Variants in CHN1 observed in about 807,000 individuals in gnomAD.
The protein encoded by CHN1 is chimerin 1.
In CHN1, 37 loss-of-function variants were observed where a neutral mutation model predicts 59.5. That is an observed-to-expected ratio of 0.62 (90% CI 0.48 to 0.82). The LOEUF (loss-of-function observed/expected upper bound fraction) is 0.82. CHN1 is among the 40% of genes least tolerant of loss of function. The pLI is 0.00. For missense variants in CHN1, 469 were observed against 571.0 expected, an observed-to-expected ratio of 0.82 and a Z score of 1.82; for synonymous variants, 206 against 200.4, an observed-to-expected ratio of 1.03 and a Z score of -0.24.
At chr2:174,960,131 T>C (rs1211776154) in intron 1 of CHN1, among the ~76,000 whole-genome samples, 2 of 152,120 alleles carry the variant, frequency 1.3e-5, no homozygotes, top group South Asian at 2.1e-4. Context: ...TGCTGATTAA[T>C]AGAAAAAAAC....
intron 1 of CHN1, among the ~76,000 whole-genome samples, chr2:174,975,281 T>G (rs1195894519): frequency 6.6e-6 from 1 of 152,204 alleles, no homozygotes; most frequent in Non-Finnish European, 1.5e-5. Flanking sequence ...CAAATTTTCA[T>G]TTCTTAGATT....
intron 1 of CHN1, among the ~76,000 whole-genome samples, chr2:174,986,296 G>A (rs1691338259): frequency 6.6e-6 from 1 of 152,094 alleles, no homozygotes; most frequent in African/African-American, 2.4e-5. Flanking sequence ...CAAAAGAAAA[G>A]GGGGCCCTTT....
At chr2:174,960,585 G>A (rs1690364988) in intron 1 of CHN1, among the ~76,000 whole-genome samples, 1 of 152,216 alleles carries the variant, frequency 6.6e-6, no homozygotes. Context: ...GCTCATGCCT[G>A]TAATCCCAGC....
chr2:174,962,853 C>T (rs777941921), intron 1 of CHN1, among the ~76,000 whole-genome samples: 2 of 151,746 alleles, frequency 1.3e-5, no homozygotes, highest in Admixed American at 6.6e-5. Context: ...GAGGTTGCAG[C>T]GAGCCAAGAT....
chr2:174,978,798 T>C (rs1167360635), intron 1 of CHN1, among the ~76,000 whole-genome samples: 1 of 152,232 alleles, frequency 6.6e-6, no homozygotes, highest in Non-Finnish European at 1.5e-5. Context: ...CATCATGTTA[T>C]CCTTTGTCCT....
In CHN1 at chr2:174,878,133, C is replaced by T; in HGVS notation, c.261-5G>A. 6.6e-7 allele frequency: 1 copy of T among 1,513,246 alleles called. No individual in the cohort carries two copies. The highest frequency in any genetic ancestry group is 1.4e-5 in the South Asian group (1 of 71,174). The allele number at this position is 1,513,246 out of a possible 1,614,324, so 93.7% of individuals were successfully genotyped here. A position where few individuals can be genotyped will look rare whatever the true frequency, so the allele number is the denominator to read the frequency against. On this transcript the variant is annotated splice_region_variant and splice_polypyrimidine_tract_variant and intron_variant, in intron 5 of 12. Transcript: ENST00000409900. ...TTTCTGGTTTGACTTCCAAATCTGC[C>T]TCAATGAAATGGGAAAGATGTTTTT... is the stretch of plus-strand genomic sequence containing the variant.
chr2:174,832,124 A>C (rs1278269504), intron 7 of CHN1, among the ~76,000 whole-genome samples: 1 of 152,116 alleles, frequency 6.6e-6, no homozygotes, highest in Non-Finnish European at 1.5e-5. Context: ...ACTTGGTTAT[A>C]AAAGTGTCAT....
intron 1 of CHN1, among the ~76,000 whole-genome samples, chr2:174,968,480 T>A (rs1024999143): frequency 6.6e-6 from 1 of 152,270 alleles, no homozygotes; most frequent in South Asian, 2.1e-4. Flanking sequence ...TTAACTATCC[T>A]AAAGTATAGT....
chr2:174,977,795 T>C (rs775644495), intron 1 of CHN1, among the ~76,000 whole-genome samples: 1 of 152,186 alleles, frequency 6.6e-6, no homozygotes, highest in African/African-American at 2.4e-5. Flanking sequence ...CAAGATATAA[T>C]GACTTTTGGC....
chr2:174,920,632 A>G (rs1320151385), intron 3 of CHN1, among the ~76,000 whole-genome samples: 1 of 152,210 alleles, frequency 6.6e-6, no homozygotes, highest in African/African-American at 2.4e-5. Flanking sequence ...TACTGTTTTC[A>G]GCAAACTTGA....
intron 5 of CHN1, among the ~76,000 whole-genome samples, chr2:174,884,576 T>C (rs1323079324): frequency 6.6e-6 from 1 of 152,166 alleles, no homozygotes; most frequent in East Asian, 1.9e-4. Flanking sequence ...GTTGAATATA[T>C]ACATACCCTA....
intron 5 of CHN1, among the ~76,000 whole-genome samples, chr2:174,878,335 A>G (rs193301571): frequency 9.2e-5 from 14 of 152,210 alleles, no homozygotes; most frequent in African/African-American, 3.4e-4. Context: ...ATAATTAGGG[A>G]CAACTAGTCA....
At chr2:174,801,243 T>C (rs946319031) in intron 12 of CHN1, among the ~76,000 whole-genome samples, 13 of 152,234 alleles carry the variant, frequency 8.5e-5, no homozygotes, top group African/African-American at 3.1e-4. Flanking sequence ...TTTACATCAG[T>C]TTGCAGTGTT....
intron 6 of CHN1, among the ~76,000 whole-genome samples, chr2:174,858,343 ATAAAG>A (rs1446925360): frequency 6.6e-6 from 1 of 152,202 alleles, no homozygotes; most frequent in African/African-American, 2.4e-5. Context: ...GATTCATGGT[ATAAAG>A]CAGATTTGTG....
chr2:174,939,867 G>C (rs1346498465), intron 3 of CHN1, among the ~76,000 whole-genome samples: 1 of 151,934 alleles, frequency 6.6e-6, no homozygotes, highest in Non-Finnish European at 1.5e-5. Context: ...ACATTCAAAA[G>C]ACAATCCCAT....
At chr2:174,995,776 A>T (rs1691688168) in intron 1 of CHN1, among the ~76,000 whole-genome samples, 1 of 152,208 alleles carries the variant, frequency 6.6e-6, no homozygotes. Context: ...TTTGTCCAGC[A>T]TATCCATGCT....
chr2:174,939,880 A>G (rs915457309), intron 3 of CHN1, among the ~76,000 whole-genome samples: 1 of 151,780 alleles, frequency 6.6e-6, no homozygotes, highest in African/African-American at 2.4e-5. Context: ...AATCCCATGA[A>G]ACTCCTGCCT....
Position 174,919,971 on chromosome 2 carries a change from G to A in CHN1, c.115-1406C>T, listed in dbSNP as rs185270524. ...CTTTCCTTCTCCTTCCCTCTGCCCC[G>A]ATAACCACTATTCTACTTCTTGCTA... On this transcript the variant is annotated intron_variant, in intron 3 of 12. Coordinates refer to ENST00000409900, the MANE Select transcript of CHN1 (RefSeq NM_001822.7). Among the ~76,000 whole-genome samples the A allele has an allele frequency of 9.4e-4, 143 of 151,980 alleles. 2 individuals carry two copies. The highest frequency in any genetic ancestry group is 3.2e-3 in the African/African-American group (134 of 41,434).
rs1160365608 is a variant in CHN1 at position 174,817,724 on chromosome 2, G to A, written c.713-5242C>T. 6.7e-5 allele frequency among the ~76,000 whole-genome samples: 10 copies of A among 148,620 alleles called. No individual in the cohort carries two copies. The South Asian group carries it at 1.1e-3, about 16-fold the overall frequency. ...GCGATCTCGGCTCACTGCAAGCTCC[G>A]CCTCCCAGGTTCATGCCATTCTTCT... On this transcript the variant is annotated intron_variant, in intron 8 of 12. Coordinates refer to ENST00000409900, the MANE Select transcript of CHN1 (RefSeq NM_001822.7).
Sources: gnomAD v4.1 joint callset for allele counts (sites outside exome capture counted in the v4.1 genomes callset) on GRCh38, gnomAD v4.1.1 for gene constraint, MANE v1.5 for transcripts, NCBI Gene and HGNC (gene_info 2026-07-23, HGNC 2026-07-21) for gene names.